MTERF3: variants seen among roughly 807,000 people sequenced by gnomAD.
MTERF3 encodes mitochondrial transcription termination factor 3.
Under a neutral mutation model 40.5 loss-of-function variants are expected in MTERF3, and 40 were observed. The observed-to-expected ratio is 0.99, with a 90% confidence interval of 0.77 to 1.29. MTERF3 has a LOEUF of 1.29. Ranked by LOEUF, MTERF3 falls within the 50% of genes most tolerant of loss-of-function variation. The pLI is 0.00. For synonymous variants in MTERF3, 158 were observed against 166.6 expected (o/e 0.95, Z 0.40); for missense variants, 452 against 478.2 (o/e 0.95, Z 0.51).
At chr8:96,259,911 T>C (rs138429626) in intron 1 of MTERF3, among the ~76,000 whole-genome samples, 1 of 148,740 alleles carries the variant, frequency 6.7e-6, no homozygotes, top group Admixed American at 6.7e-5. Flanking sequence ...ATTATTATTA[T>C]TATTTTTTTT....
At chr8:96,252,399 G>A (rs1215120105) in intron 3 of MTERF3, among the ~76,000 whole-genome samples, 1 of 151,934 alleles carries the variant, frequency 6.6e-6, no homozygotes, top group Non-Finnish European at 1.5e-5. Flanking sequence ...ATTAATTCTA[G>A]ATAAAGAATC....
intron 1 of MTERF3, among the ~76,000 whole-genome samples, chr8:96,259,823 T>C (rs1810346063): frequency 6.6e-6 from 1 of 152,138 alleles, no homozygotes; most frequent in African/African-American, 2.4e-5. Context: ...TTCTTGGAGA[T>C]CTGTAGTTTT....
chr8:96,257,940 T>C (rs1810311029), intron 2 of MTERF3, among the ~76,000 whole-genome samples: 1 of 152,178 alleles, frequency 6.6e-6, no homozygotes, highest in Admixed American at 6.5e-5. Flanking sequence ...GGGAACTCTG[T>C]GGAGTTAATA....
intron 3 of MTERF3, among the ~76,000 whole-genome samples, chr8:96,253,903 G>A (rs532595067): frequency 7.8e-4 from 118 of 152,006 alleles, no homozygotes; most frequent in Non-Finnish European, 1.5e-3. Context: ...AGCTACTTGC[G>A]GGGCTGAGGT....
chr8:96,260,865 C>G (rs1479077907), intron 1 of MTERF3, among the ~76,000 whole-genome samples: 3 of 152,184 alleles, frequency 2.0e-5, no homozygotes, highest in East Asian at 1.9e-4. Flanking sequence ...TTTCCCAGAG[C>G]CTTGTACTGC....
At chr8:96,241,758 ATTC>A (rs1286792832) in intron 7 of MTERF3, among the ~76,000 whole-genome samples, 1 of 152,138 alleles carries the variant, frequency 6.6e-6, no homozygotes, top group African/African-American at 2.4e-5. Context: ...GACATATTAA[ATTC>A]TTCGGAGTTA....
chr8:96,250,326 T>TG (rs1810104819), intron 4 of MTERF3, among the ~76,000 whole-genome samples: 1 of 138,604 alleles, frequency 7.2e-6, no homozygotes, highest in African/African-American at 2.8e-5. Context: ...TATTTGTTGA[T>TG]GGGTTTTTTT....
In MTERF3 at chr8:96,256,998, C is replaced by T; in HGVS notation, c.451G>A (p.Asp151Asn). 2 of 1,613,574 alleles carry T rather than the reference C, an allele frequency of 1.2e-6. No individual in the cohort carries two copies. The highest frequency in any genetic ancestry group is 1.7e-6 in the Non-Finnish European group (2 of 1,179,742). ...AACTTCTGCAGAGTCTCAGAATGAT[C>T]CACATAGTCTCGAAGTGTGAATGAA... is the stretch of plus-strand genomic sequence containing the variant. ...PASFTLRDYV[D>N]HSETLQKLVL... Residue 151 changes from aspartate (D) to asparagine (N), a missense_variant, in exon 3 of 8, where the codon GAT becomes AAT. Coordinates refer to ENST00000287025, the MANE Select transcript of MTERF3 (RefSeq NM_015942.5).
At chr8:96,248,378 A>T (rs1046003858) in intron 4 of MTERF3, among the ~76,000 whole-genome samples, 9 of 152,260 alleles carry the variant, frequency 5.9e-5, no homozygotes, top group African/African-American at 1.9e-4. Flanking sequence ...TACTAGAGTT[A>T]AAAAGAATAG....
chr8:96,243,914 A>C lies in MTERF3; in HGVS notation c.1059+5T>G. The C allele has an allele frequency of 6.2e-7, 1 of 1,613,454 alleles. No individual in the cohort carries two copies. Among genetic ancestry groups the C allele is most frequent in the Non-Finnish European group, 8.5e-7 (1 of 1,179,696 alleles). On this transcript the variant is annotated splice_donor_5th_base_variant and intron_variant, in intron 7 of 7. Coordinates refer to ENST00000287025, the MANE Select transcript of MTERF3 (RefSeq NM_015942.5). ...GCTTACAGAGAGAGCTGTGAGTGGCATTACCTGTGGGAACTTGACAATGAT... is the reference window on the plus strand; with the variant it reads ...GCTTACAGAGAGAGCTGTGAGTGGCCTTACCTGTGGGAACTTGACAATGAT...
At chr8:96,245,373 G>A (rs1810002331) in intron 6 of MTERF3, among the ~76,000 whole-genome samples, 1 of 152,210 alleles carries the variant, frequency 6.6e-6, no homozygotes, top group Non-Finnish European at 1.5e-5. Flanking sequence ...TTCTGTGACA[G>A]AATGAGAGCT....
At chr8:96,239,972 A>G in intron 7 of MTERF3, 1 of 587,578 alleles carries the variant, frequency 1.7e-6, no homozygotes, top group Non-Finnish European at 3.0e-6. Context: ...TAAAAAAGCA[A>G]ATCTTCGGCC....
chr8:96,255,340 A>T (rs554711169), intron 3 of MTERF3, among the ~76,000 whole-genome samples: 16 of 152,284 alleles, frequency 1.1e-4, no homozygotes, highest in Non-Finnish European at 2.2e-4. Flanking sequence ...GGACAAAAGC[A>T]ATAAGAATCA....
At chr8:96,244,433 C>T (rs1270985162) in intron 6 of MTERF3, among the ~76,000 whole-genome samples, 3 of 150,256 alleles carry the variant, frequency 2.0e-5, no homozygotes, top group Non-Finnish European at 4.4e-5. Flanking sequence ...CGGAGTCTCG[C>T]TTTGTCATCC....
rs1810165855 is a variant in MTERF3 at position 96,250,765 on chromosome 8, G to C, written c.677+141C>G. The C allele has an allele frequency of 1.3e-5, 8 of 609,904 alleles. No homozygotes were observed. The South Asian group carries it at 1.8e-4, about 14-fold the overall frequency. 37.8% of individuals were successfully genotyped at this position (609,904 alleles called of 1,614,324 possible). A position where few individuals can be genotyped will look rare whatever the true frequency, so the allele number is the denominator to read the frequency against. On this transcript the variant is annotated intron_variant, in intron 4 of 7. Coordinates refer to ENST00000287025, the MANE Select transcript of MTERF3 (RefSeq NM_015942.5). ...AGAACTGTTGTAAATACTTAATTTA[G>C]ATCAAAGAAGGTCTATAACAAAAAA...
At chr8:96,252,303 A>G (rs13439140) in intron 3 of MTERF3, among the ~76,000 whole-genome samples, 12,342 of 152,344 alleles carry the variant, frequency 0.081, 570 homozygotes, top group Middle Eastern at 0.13. Flanking sequence ...AATGCATTTC[A>G]AATCAAATAG....
intron 7 of MTERF3, chr8:96,239,910 C>G (rs1809890802): frequency 1.5e-6 from 1 of 681,998 alleles, no homozygotes; most frequent in Admixed American, 2.3e-5. Context: ...TAATTCAGGG[C>G]TATACTGTGT....
intron 3 of MTERF3, among the ~76,000 whole-genome samples, chr8:96,255,225 TA>T (rs1392932845): frequency 1.3e-5 from 2 of 152,118 alleles, no homozygotes; most frequent in African/African-American, 4.8e-5. Context: ...AATGAGGACC[TA>T]AACAAGGTAG....
chr8:96,259,962 C>T (rs1351042940), intron 1 of MTERF3, among the ~76,000 whole-genome samples: 14 of 151,778 alleles, frequency 9.2e-5, no homozygotes, highest in Admixed American at 5.2e-4. Flanking sequence ...TGGAGTACAA[C>T]GGCACCATCT....
Sources: gnomAD v4.1 joint callset for allele counts (sites outside exome capture counted in the v4.1 genomes callset) on GRCh38, gnomAD v4.1.1 for gene constraint, MANE v1.5 for transcripts, NCBI Gene and HGNC (gene_info 2026-07-23, HGNC 2026-07-21) for gene names.